Variants in SLC25A48 observed in about 807,000 individuals in gnomAD.
SLC25A48 encodes the protein solute carrier family 25 member 48, also known as CTC-321K16.1.
SLC25A48 carries 29 observed loss-of-function variants against 32.2 expected under a neutral mutation model. That is an observed-to-expected ratio of 0.90 (90% CI 0.67 to 1.23). SLC25A48 has a LOEUF of 1.23. Ranked by LOEUF, SLC25A48 falls within the 50% of genes most tolerant of loss-of-function variation. SLC25A48 has a pLI of 0.00. For synonymous variants in SLC25A48, 164 were observed against 172.3 expected, an observed-to-expected ratio of 0.95 and a Z score of 0.38; for missense variants, 399 against 422.7, an observed-to-expected ratio of 0.94 and a Z score of 0.49.
At chr5:135,650,292 C>T (rs1318932329) in intron 3 of SLC25A48, 11 of 392,542 alleles carry the variant, frequency 2.8e-5, no homozygotes, top group Non-Finnish European at 5.5e-5. Flanking sequence ...TTGGTTTCTC[C>T]TTTCTCCTCC....
chr5:135,829,170 C>T (rs1758141452), intron 4 of SLC25A48, among the ~76,000 whole-genome samples: 1 of 152,250 alleles, frequency 6.6e-6, no homozygotes. Flanking sequence ...ACTGGCTCTT[C>T]TGTCACTGTC....
intron 3 of SLC25A48, among the ~76,000 whole-genome samples, chr5:135,659,449 T>C (rs801544): frequency 0.79 from 119,522 of 152,166 alleles, 47,275 homozygotes; most frequent in East Asian, 1. Context: ...TGGTCAAAAC[T>C]ATTCAACAAG....
At chr5:135,625,823 A>G (rs962742416) in intron 1 of SLC25A48, among the ~76,000 whole-genome samples, 2 of 151,988 alleles carry the variant, frequency 1.3e-5, no homozygotes, top group Admixed American at 1.3e-4. Flanking sequence ...ACAACCAGGA[A>G]GGAGACCCTC....
chr5:135,650,559 T>TAAA lies in SLC25A48; in HGVS notation c.-521+15611_-521+15613dup, dbSNP rs776847492. The TAAA allele has an allele frequency of 1.0e-3, 245 of 240,656 alleles. No individual in the cohort carries two copies. The African/African-American group carries it at 0.017, about 17-fold the overall frequency. 14.9% of individuals were successfully genotyped at this position (240,656 alleles called of 1,614,324 possible). On this transcript the variant is annotated intron_variant, in intron 3 of 10. Transcript: ENST00000646290. ...AGTGCAGTCACTGATGGAGTGGAAC[T>TAAA]AAAAAAAAAACAACAACAGAACTCT... is the stretch of plus-strand genomic sequence containing the variant.
chr5:135,794,673 G>A (rs978875678), intron 3 of SLC25A48, among the ~76,000 whole-genome samples: 2 of 150,814 alleles, frequency 1.3e-5, no homozygotes, highest in African/African-American at 2.4e-5. Context: ...CTGTGATATT[G>A]TATCTAATAG....
chr5:135,633,268 C>T (rs1030810076), intron 2 of SLC25A48, among the ~76,000 whole-genome samples: 4 of 151,642 alleles, frequency 2.6e-5, no homozygotes, highest in African/African-American at 9.7e-5. Context: ...TGAAACTCAT[C>T]ACAGACATTG....
intron 3 of SLC25A48, among the ~76,000 whole-genome samples, chr5:135,851,621 GGTGT>G (rs1759874976): frequency 1.3e-5 from 2 of 152,132 alleles, no homozygotes; most frequent in South Asian, 4.1e-4. Flanking sequence ...TGCGTGTGCA[GGTGT>G]GTGTGAGGCA....
intron 3 of SLC25A48, among the ~76,000 whole-genome samples, chr5:135,777,914 C>T (rs1018154893): frequency 6.6e-6 from 1 of 151,654 alleles, no homozygotes; most frequent in Non-Finnish European, 1.5e-5. Flanking sequence ...GTACATCCCA[C>T]CTGTGATATT....
intron 4 of SLC25A48, among the ~76,000 whole-genome samples, chr5:135,820,106 T>C (rs1007843973): frequency 1.3e-5 from 2 of 152,120 alleles, no homozygotes; most frequent in African/African-American, 4.8e-5. Context: ...CTATACCCAC[T>C]CAAAGACTTG....
At chr5:135,876,892 G>A (rs1762105100) in intron 6 of SLC25A48, among the ~76,000 whole-genome samples, 1 of 152,130 alleles carries the variant, frequency 6.6e-6, no homozygotes. Context: ...AGTTGGCTTG[G>A]GCTCTGGCTG....
At chr5:135,801,781 A>G (rs1426526743) in intron 3 of SLC25A48, among the ~76,000 whole-genome samples, 1 of 151,710 alleles carries the variant, frequency 6.6e-6, no homozygotes, top group Non-Finnish European at 1.5e-5. Context: ...ATATGCAGGG[A>G]GAAAGGGAAT....
intron 3 of SLC25A48, among the ~76,000 whole-genome samples, chr5:135,659,366 C>A (rs773256757): frequency 1.3e-5 from 2 of 152,186 alleles, no homozygotes; most frequent in Non-Finnish European, 2.9e-5. Flanking sequence ...TACTCCAGTT[C>A]CTAATAAGTT....
chr5:135,785,689 C>T (rs1756824313), intron 3 of SLC25A48, among the ~76,000 whole-genome samples: 1 of 148,610 alleles, frequency 6.7e-6, no homozygotes, highest in African/African-American at 2.5e-5. Flanking sequence ...CACCCCTTGC[C>T]CAGTGGATCA....
chr5:135,683,491 T>C (rs988055503), intron 3 of SLC25A48, among the ~76,000 whole-genome samples: 1 of 137,898 alleles, frequency 7.3e-6, no homozygotes, highest in East Asian at 2.1e-4. Context: ...ATAAGTGGGA[T>C]AAGGAATACA....
intron 3 of SLC25A48, among the ~76,000 whole-genome samples, chr5:135,676,264 T>C (rs1382550352): frequency 6.6e-6 from 1 of 151,954 alleles, no homozygotes; most frequent in African/African-American, 2.4e-5. Flanking sequence ...TTCTAGTTTA[T>C]CAGTGTATAG....
At chr5:135,712,720 A>G (rs1754696003) in intron 3 of SLC25A48, among the ~76,000 whole-genome samples, 1 of 152,216 alleles carries the variant, frequency 6.6e-6, no homozygotes, top group African/African-American at 2.4e-5. Context: ...GAAGTACTCA[A>G]GCTTTGTGCT....
At chr5:135,762,427 G>T (rs1027172550) in intron 3 of SLC25A48, among the ~76,000 whole-genome samples, 2 of 152,172 alleles carry the variant, frequency 1.3e-5, no homozygotes. Context: ...GTGCTCTTGT[G>T]TACATTTTGT....
chr5:135,778,919 G>T (rs1756646328), intron 3 of SLC25A48, among the ~76,000 whole-genome samples: 1 of 145,868 alleles, frequency 6.9e-6, no homozygotes, highest in African/African-American at 2.6e-5. Flanking sequence ...TGCAGGAGGT[G>T]TACACCTCCA....
At chr5:135,866,055 A>C (rs1057058439) in intron 4 of SLC25A48, among the ~76,000 whole-genome samples, 2 of 152,162 alleles carry the variant, frequency 1.3e-5, no homozygotes, top group Non-Finnish European at 2.9e-5. Context: ...GCTGAGCCTT[A>C]CTGGAATAGA....
Sources: gnomAD v4.1 joint callset for allele counts (sites outside exome capture counted in the v4.1 genomes callset) on GRCh38, gnomAD v4.1.1 for gene constraint, MANE v1.5 for transcripts, NCBI Gene and HGNC (gene_info 2026-07-23, HGNC 2026-07-21) for gene names.